Variants in DNAJC13 observed in about 807,000 individuals in gnomAD.
The protein encoded by DNAJC13 is DnaJ heat shock protein family (Hsp40) member C13, also known as dnaJ homolog subfamily C member 13.
Under a neutral mutation model 290.5 loss-of-function variants are expected in DNAJC13, and 75 were observed. That is an observed-to-expected ratio of 0.26 (90% confidence interval 0.21 to 0.31). DNAJC13 has a LOEUF of 0.31. Ranked by LOEUF, DNAJC13 falls within the 10% of genes least tolerant of loss-of-function variation. The pLI is 1.00. For synonymous variants in DNAJC13, 862 were observed against 892.0 expected (o/e 0.97, Z 0.60); for missense variants, 2,260 against 2,674.5 (o/e 0.85, Z 3.42).
At chr3:132,465,041 G>A (rs1933929197) in intron 17 of DNAJC13, among the ~76,000 whole-genome samples, 1 of 152,082 alleles carries the variant, frequency 6.6e-6, no homozygotes, top group South Asian at 2.1e-4. Flanking sequence ...CTTTTTAGGA[G>A]TCACTGATAT....
intron 54 of DNAJC13, among the ~76,000 whole-genome samples, chr3:132,530,656 AT>A (rs1325289110): frequency 1.3e-5 from 2 of 152,218 alleles, no homozygotes; most frequent in Non-Finnish European, 2.9e-5. Flanking sequence ...GGAATAGCTC[AT>A]CAGCCCATAC....
chr3:132,495,948 C>G (rs556435590), intron 35 of DNAJC13, among the ~76,000 whole-genome samples: 1 of 152,152 alleles, frequency 6.6e-6, no homozygotes, highest in Non-Finnish European at 1.5e-5. Context: ...TAAAACACTT[C>G]ATAAAGCTAC....
In DNAJC13 at chr3:132,453,944, T is replaced by C. The variant is rs146473569; in HGVS notation, c.841-122T>C. On this transcript the variant is annotated intron_variant, in intron 8 of 55. Coordinates refer to ENST00000260818, the MANE Select transcript of DNAJC13 (RefSeq NM_015268.4). ...GAGATTTTAAAGTTTTAAACTCTTA[T>C]ATTGTAAACAAGTCACATCTTAAAA... 6 of 845,728 alleles carry C rather than the reference T, an allele frequency of 7.1e-6. No homozygotes were observed. The East Asian group carries it at 8.2e-5, about 12-fold the overall frequency. 52.4% of individuals were successfully genotyped at this position (845,728 alleles called of 1,614,324 possible). A position where few individuals can be genotyped will look rare whatever the true frequency, so the allele number is the denominator to read the frequency against.
intron 22 of DNAJC13, among the ~76,000 whole-genome samples, chr3:132,476,945 T>G (rs1414041620): frequency 6.6e-6 from 1 of 152,236 alleles, no homozygotes; most frequent in African/African-American, 2.4e-5. Flanking sequence ...TATTTTACTC[T>G]GTAGTACTTA....
At chr3:132,506,943 T>G (rs1020849058) in intron 42 of DNAJC13, among the ~76,000 whole-genome samples, 1 of 152,304 alleles carries the variant, frequency 6.6e-6, no homozygotes, top group African/African-American at 2.4e-5. Context: ...CTGAGTTGAT[T>G]GAGAAGAATA....
At chr3:132,476,277 T>C (rs1300687313) in intron 22 of DNAJC13, among the ~76,000 whole-genome samples, 1 of 152,234 alleles carries the variant, frequency 6.6e-6, no homozygotes, top group African/African-American at 2.4e-5. Context: ...ATTGTGCTCT[T>C]GTTCTTCCCG....
At chr3:132,434,509 C>A in intron 1 of DNAJC13, 29 bp from the exon 2 acceptor site, 1 of 1,498,928 alleles carries the variant, frequency 6.7e-7, no homozygotes, top group Admixed American at 1.8e-5. Context: ...ATAACATGTA[C>A]TAAGTGCCCT....
chr3:132,523,287 C>G lies in DNAJC13; in HGVS notation c.5886+88C>G, dbSNP rs142518910. On this transcript the variant is annotated intron_variant, in intron 50 of 55. Coordinates refer to ENST00000260818, the MANE Select transcript of DNAJC13 (RefSeq NM_015268.4). ...GAGTCAGTTTAATGCCGACCTATAA[C>G]TACTTTGTCATCAAGACTCTTGGGT... is the stretch of plus-strand genomic sequence containing the variant. 1,200 of 1,440,740 alleles carry G rather than the reference C, an allele frequency of 8.3e-4. 7 individuals are homozygous for G. Among genetic ancestry groups the G allele is most frequent in the Middle Eastern group, 7.0e-3 (37 of 5,306 alleles). 89.2% of individuals were successfully genotyped at this position (1,440,740 alleles called of 1,614,324 possible). A position where few individuals can be genotyped will look rare whatever the true frequency, so the allele number is the denominator to read the frequency against.
intron 42 of DNAJC13, among the ~76,000 whole-genome samples, chr3:132,507,001 C>G (rs1025107060): frequency 6.6e-6 from 1 of 152,198 alleles, no homozygotes; most frequent in Admixed American, 6.5e-5. Context: ...CCTTTGTTAG[C>G]TGACCTCTGA....
chr3:132,502,314 G>C lies in DNAJC13; in HGVS notation c.4562G>C (p.Gly1521Ala). ...GKSIPRVAAL[G>A]VECVSSFAVD... The stretch of plus-strand genomic sequence containing the variant: ...AGTATTCCCCGCGTAGCTGCTCTTG[G>C]GGTAGAATGTGTCAGTTCTTTTGCT... The change falls in exon 40 of 56, where the codon GGG (glycine) becomes GCG (alanine). Residue 1521 changes from glycine (G) to alanine (A), a missense_variant. Physicochemically the swap from Gly to Ala is moderately conservative, Grantham distance 60. Around this residue, in one of 3 missense-constraint regions of DNAJC13, gnomAD observed 1,494 missense variants for 1,693.7 expected, o/e 0.88. Coordinates refer to ENST00000260818, the MANE Select transcript of DNAJC13 (RefSeq NM_015268.4). 1 of 1,613,372 alleles carries C rather than the reference G, an allele frequency of 6.2e-7. No homozygotes were observed. The highest frequency in any genetic ancestry group is 1.1e-5 in the South Asian group (1 of 91,016).
rs939746915 is a variant in DNAJC13, at chr3:132,516,161, G to C, written c.5486-261G>C. Among the ~76,000 whole-genome samples, 4 of 152,152 alleles carry C rather than the reference G, an allele frequency of 2.6e-5. No homozygotes were observed. In the East Asian group the frequency reaches 5.8e-4, roughly 22 times the overall value. On this transcript the variant is annotated intron_variant, in intron 46 of 55. Coordinates refer to ENST00000260818, the MANE Select transcript of DNAJC13 (RefSeq NM_015268.4). ...GAAGACAGGGTTTTATAGTGGTTATGAATATGGACTTTGGAGGCAGACCTG... is the reference window on the plus strand; with the variant it reads ...GAAGACAGGGTTTTATAGTGGTTATCAATATGGACTTTGGAGGCAGACCTG...
intron 55 of DNAJC13, among the ~76,000 whole-genome samples, chr3:132,532,316 T>A (rs986083805): frequency 1.3e-5 from 2 of 152,170 alleles, no homozygotes; most frequent in African/African-American, 4.8e-5. Context: ...TGGAGGAAAT[T>A]TTACCTGGTT....
chr3:132,485,038 C>A (rs1934807630), intron 29 of DNAJC13, among the ~76,000 whole-genome samples: 1 of 152,178 alleles, frequency 6.6e-6, no homozygotes, highest in South Asian at 2.1e-4. Context: ...GAGCTGTGAT[C>A]ATGCCACCGC....
chr3:132,478,221 C>A, intron 24 of DNAJC13, 81 bp downstream of exon 24: 1 of 1,237,972 alleles, frequency 8.1e-7, no homozygotes, highest in Non-Finnish European at 1.1e-6. Flanking sequence ...AATTTAAATT[C>A]TGTTTGATCA....
chr3:132,466,754 A>G (rs1455045873), intron 19 of DNAJC13, among the ~76,000 whole-genome samples: 1 of 152,228 alleles, frequency 6.6e-6, no homozygotes, highest in East Asian at 1.9e-4. Flanking sequence ...AGATTGATAA[A>G]TGTTGTTGGT....
intron 48 of DNAJC13, among the ~76,000 whole-genome samples, chr3:132,520,328 C>T (rs1936053123): frequency 6.6e-6 from 1 of 151,926 alleles, no homozygotes; most frequent in African/African-American, 2.4e-5. Context: ...CCTTTTTTGC[C>T]AGCCCCTGTT....
chr3:132,419,117 A>G (rs1267728139), intron 1 of DNAJC13, among the ~76,000 whole-genome samples: 1 of 152,208 alleles, frequency 6.6e-6, no homozygotes, highest in East Asian at 1.9e-4. Flanking sequence ...CAGGCAACAC[A>G]CGTCCTTGTG....
At chr3:132,481,076 G>A (rs1385989600) in intron 26 of DNAJC13, among the ~76,000 whole-genome samples, 1 of 152,162 alleles carries the variant, frequency 6.6e-6, no homozygotes. Context: ...AGCCCTTGGA[G>A]GTGGTTACTA....
intron 26 of DNAJC13, among the ~76,000 whole-genome samples, chr3:132,480,707 G>A (rs1478391282): frequency 6.6e-6 from 1 of 152,104 alleles, no homozygotes; most frequent in Non-Finnish European, 1.5e-5. Context: ...CTCTAATATG[G>A]CTTATCTTGA....
Sources: gnomAD v4.1 joint callset for allele counts (sites outside exome capture counted in the v4.1 genomes callset) on GRCh38, gnomAD v4.1.1 for gene constraint, gnomAD v4.1.1 regional missense constraint, MANE v1.5 for transcripts, NCBI Gene and HGNC (gene_info 2026-07-23, HGNC 2026-07-21) for gene names.